The following DLGAP2 variants were observed in gnomAD, a reference collection of about 807,000 sequenced individuals.
DLGAP2 encodes the protein DLG associated protein 2, also known as disks large-associated protein 2.
A neutral mutation model predicts 100.3 loss-of-function variants in DLGAP2; 26 were observed. The observed-to-expected ratio is 0.26, with a 90% confidence interval of 0.19 to 0.36. The LOEUF is 0.36. Ranked by LOEUF, DLGAP2 falls within the 10% of genes least tolerant of loss-of-function variation. The probability of loss-of-function intolerance (pLI) is 1.00; values close to 1 mark genes in which losing one functional copy is unlikely to be tolerated. For missense variants in DLGAP2, 1,858 were observed against 1,453.2 expected (o/e 1.28, Z -4.53); for synonymous variants, 886 against 630.1 (o/e 1.41, Z -6.08).
At chr8:1,119,924 G>T (rs377376433) in intron 2 of DLGAP2, among the ~76,000 whole-genome samples, 89 of 152,314 alleles carry the variant, frequency 5.8e-4, no homozygotes, top group African/African-American at 2.0e-3. Flanking sequence ...TTTCCTTGTA[G>T]TTGGGAAGAC....
chr8:867,310 A>G (rs1797516912), intron 1 of DLGAP2, among the ~76,000 whole-genome samples: 1 of 152,216 alleles, frequency 6.6e-6, no homozygotes, highest in Non-Finnish European at 1.5e-5. Flanking sequence ...ATGTATAATT[A>G]TTCCAACTTC....
At chr8:1,470,843 C>T (rs1405044625) in intron 3 of DLGAP2, among the ~76,000 whole-genome samples, 1 of 41,694 alleles carries the variant, frequency 2.4e-5, no homozygotes, top group African/African-American at 8.3e-5. Flanking sequence ...CCCCTCCAGG[C>T]TTTCCCGACC....
At chr8:1,374,350 C>T (rs542136938) in intron 3 of DLGAP2, among the ~76,000 whole-genome samples, 21 of 152,274 alleles carry the variant, frequency 1.4e-4, no homozygotes, top group Admixed American at 1.3e-3. Context: ...CACCCATGTT[C>T]GGCACGGGTC....
chr8:1,178,007 A>T (rs935378777), intron 2 of DLGAP2, among the ~76,000 whole-genome samples: 1 of 152,166 alleles, frequency 6.6e-6, no homozygotes. Context: ...GGCCGTGGCC[A>T]GTGGTGGTGA....
chr8:1,631,523 G>T (rs531164933), intron 7 of DLGAP2, among the ~76,000 whole-genome samples: 1 of 152,248 alleles, frequency 6.6e-6, no homozygotes, highest in South Asian at 2.1e-4. Flanking sequence ...CCTTTGCTGG[G>T]TTCCTGAGGC....
At chr8:1,691,449 C>G in intron 12 of DLGAP2, 86 bp from the exon 13 acceptor site, 1 of 1,163,394 alleles carries the variant, frequency 8.6e-7, no homozygotes, top group Non-Finnish European at 1.2e-6. Context: ...GTGGGACTCG[C>G]TCCCTTGGTG....
chr8:1,343,713 G>GC (rs1334235780), intron 3 of DLGAP2, among the ~76,000 whole-genome samples: 1 of 151,964 alleles, frequency 6.6e-6, no homozygotes, highest in Admixed American at 6.6e-5. Flanking sequence ...GGGGTCGTGG[G>GC]GGGTGTTAGA....
intron 6 of DLGAP2, among the ~76,000 whole-genome samples, chr8:1,601,340 G>C (rs1027402347): frequency 3.3e-5 from 5 of 152,228 alleles, no homozygotes; most frequent in Non-Finnish European, 7.3e-5. Context: ...CCCATCAGGA[G>C]ACAAGAGGGT....
intron 8 of DLGAP2, among the ~76,000 whole-genome samples, chr8:1,649,716 G>C (rs749478773): frequency 6.6e-6 from 1 of 152,156 alleles, no homozygotes; most frequent in Non-Finnish European, 1.5e-5. Context: ...AATTATATTG[G>C]ATTTATTTCA....
intron 2 of DLGAP2, among the ~76,000 whole-genome samples, chr8:1,075,553 C>A (rs1803579281): frequency 1.3e-5 from 2 of 152,116 alleles, no homozygotes; most frequent in South Asian, 4.2e-4. Flanking sequence ...TGCTTAAGTA[C>A]CAAAAGCTCT....
At chr8:1,153,014 C>T (rs920563743) in intron 2 of DLGAP2, among the ~76,000 whole-genome samples, 1 of 152,224 alleles carries the variant, frequency 6.6e-6, no homozygotes, top group East Asian at 1.9e-4. Context: ...TAAAATGAAA[C>T]TTACCTCCTT....
chr8:1,106,664 G>A (rs1585065837), intron 2 of DLGAP2, among the ~76,000 whole-genome samples: 1 of 149,308 alleles, frequency 6.7e-6, no homozygotes, highest in African/African-American at 2.5e-5. Flanking sequence ...CTATTGAAGG[G>A]AGCCATTCTA....
At chr8:1,000,531 G>A (rs542341941) in intron 2 of DLGAP2, among the ~76,000 whole-genome samples, 2 of 151,616 alleles carry the variant, frequency 1.3e-5, no homozygotes, top group African/African-American at 2.4e-5. Flanking sequence ...TCTATAGAGC[G>A]GACAGATCTG....
At chr8:739,371 C>G (rs1263468745) in intron 1 of DLGAP2, 2 of 152,228 alleles carry the variant, frequency 1.3e-5, no homozygotes, top group African/African-American at 4.8e-5. Flanking sequence ...AATTAATTGT[C>G]CTTGCAGTTG....
intron 3 of DLGAP2, among the ~76,000 whole-genome samples, chr8:1,421,345 C>T (rs1293663819): frequency 6.6e-6 from 1 of 152,126 alleles, no homozygotes; most frequent in African/African-American, 2.4e-5. Flanking sequence ...TAGAATCTTC[C>T]AGCTGTGTTT....
chr8:758,940 TCCCCAACAGCCTTCCCATTATCAATAA>T (rs1563415324), intron 1 of DLGAP2, among the ~76,000 whole-genome samples: 1 of 130,372 alleles, frequency 7.7e-6, no homozygotes, highest in African/African-American at 3.0e-5. Flanking sequence ...ACCACTACCC[TCCCCAACAGCCTTCCCATTATCAATAA>T]CCCCCACAAC....
chr8:1,378,166 CGCACACCTGACCTCACCTGTCCATCCTGT>C (rs1457705350), intron 3 of DLGAP2: 228 of 170,174 alleles, frequency 1.3e-3, no homozygotes, highest in Non-Finnish European at 2.5e-3. Context: ...GTCTGTCCTG[CGCACACCTGACCTCACCTGTCCATCCTGT>C]GCACACCTGA....
intron 2 of DLGAP2, among the ~76,000 whole-genome samples, chr8:1,084,558 C>A (rs149013505): frequency 4.3e-4 from 66 of 152,294 alleles, no homozygotes; most frequent in African/African-American, 1.4e-3. Flanking sequence ...CTCGGGTGAC[C>A]ACCCTTCTCC....
chr8:1,275,016 T>C (rs1263756053), intron 3 of DLGAP2, among the ~76,000 whole-genome samples: 4 of 152,090 alleles, frequency 2.6e-5, no homozygotes, highest in African/African-American at 4.8e-5. Context: ...TGTTTATTGC[T>C]TGCTCTACCG....
Sources: allele counts gnomAD v4.1 joint callset (sites outside exome capture counted in the v4.1 genomes callset), GRCh38; gene constraint gnomAD v4.1.1; transcripts MANE v1.5; gene names NCBI Gene and HGNC (gene_info 2026-07-23, HGNC 2026-07-21).